The following PTPRD variants were observed in gnomAD, a reference collection of about 807,000 sequenced individuals.
PTPRD encodes the protein protein tyrosine phosphatase receptor type D.
A neutral mutation model predicts 214.5 loss-of-function variants in PTPRD; 34 were observed. That is an observed-to-expected ratio of 0.16 (90% CI 0.12 to 0.21). The LOEUF (loss-of-function observed/expected upper bound fraction) is 0.21. PTPRD is among the 10% of genes least tolerant of loss of function. The pLI is 1.00. For synonymous variants in PTPRD, 1,128 were observed against 845.7 expected (o/e 1.33, Z -5.79); for missense variants, 2,545 against 2,398.7 (o/e 1.06, Z -1.27).
chr9:10,004,199 T>A (rs1049522188), intron 4 of PTPRD, among the ~76,000 whole-genome samples: 11 of 151,798 alleles, frequency 7.2e-5, no homozygotes, highest in Non-Finnish European at 1.0e-4. Flanking sequence ...TTAAAAAAAA[T>A]TTAGGTTGTA....
At chr9:9,854,816 G>A (rs568117559) in intron 5 of PTPRD, among the ~76,000 whole-genome samples, 42 of 152,132 alleles carry the variant, frequency 2.8e-4, no homozygotes, top group Non-Finnish European at 5.3e-4. Flanking sequence ...GTTTCTGGGT[G>A]TAATTGTACC....
rs1226286340 is a variant in PTPRD at position 9,024,332 on chromosome 9, T to C, written c.-142-5597A>G. 5.7e-5 allele frequency among the ~76,000 whole-genome samples: 5 copies of C among 87,688 alleles called. 1 individual carries two copies. Among genetic ancestry groups the C allele is most frequent in the Admixed American group, 5.3e-4 (4 of 7,486 alleles). The allele number at this position is 87,688 out of a possible 152,430, so 57.5% of individuals were successfully genotyped here. A position where few individuals can be genotyped will look rare whatever the true frequency, so the allele number is the denominator to read the frequency against. ...GACCTGTCGAAAAGGCTATTGTCGA[T>C]TCTTTGTTTTTTTTTGTTTGTTTTT... On this transcript the variant is annotated intron_variant, in intron 10 of 45. Coordinates refer to ENST00000381196, the MANE Select transcript of PTPRD (RefSeq NM_002839.4).
At chr9:9,734,761 T>C (rs902317432) in intron 6 of PTPRD, among the ~76,000 whole-genome samples, 190 bp from the exon 7 acceptor site, 20 of 152,230 alleles carry the variant, frequency 1.3e-4, no homozygotes, top group African/African-American at 1.9e-4. Flanking sequence ...TTAACTTACA[T>C]TGTGCCATTA....
intron 5 of PTPRD, among the ~76,000 whole-genome samples, chr9:9,885,312 G>A (rs2070431627): frequency 1.3e-5 from 2 of 152,018 alleles, no homozygotes; most frequent in South Asian, 4.2e-4. Flanking sequence ...TAAGGCCAAC[G>A]TGAGATAAAT....
intron 11 of PTPRD, among the ~76,000 whole-genome samples, chr9:8,909,654 A>T (rs553052760): frequency 2.6e-5 from 4 of 152,242 alleles, no homozygotes; most frequent in Admixed American, 2.0e-4. Flanking sequence ...AATGATGAAA[A>T]CGGAATGCTT....
intron 2 of PTPRD, among the ~76,000 whole-genome samples, chr9:10,518,501 G>T (rs926397062): frequency 6.6e-6 from 1 of 152,012 alleles, no homozygotes; most frequent in African/African-American, 2.4e-5. Flanking sequence ...GTACAGCTTG[G>T]TCAAGGTTAA....
At chr9:9,286,627 T>C (rs1297307514) in intron 9 of PTPRD, among the ~76,000 whole-genome samples, 3 of 151,392 alleles carry the variant, frequency 2.0e-5, no homozygotes, top group African/African-American at 4.8e-5. Context: ...ATAGAACCTT[T>C]CCTGATGCCC....
At chr9:8,842,962 A>G (rs1231711595) in intron 11 of PTPRD, among the ~76,000 whole-genome samples, 5 of 152,096 alleles carry the variant, frequency 3.3e-5, no homozygotes, top group Non-Finnish European at 5.9e-5. Flanking sequence ...TGGACAGCCC[A>G]GTCTACACCT....
intron 33 of PTPRD, 84 bp from the exon 34 acceptor site, chr9:8,449,921 C>T (rs1327450788): frequency 1.5e-6 from 2 of 1,306,014 alleles, no homozygotes; most frequent in Admixed American, 1.9e-5. Flanking sequence ...CCTGCACTCC[C>T]CCCACCTCCC....
At chr9:9,693,561 G>C (rs1016610274) in intron 7 of PTPRD, among the ~76,000 whole-genome samples, 3 of 152,120 alleles carry the variant, frequency 2.0e-5, no homozygotes, top group East Asian at 1.9e-4. Context: ...CAAGATCTAA[G>C]AGGTAGTCTT....
chr9:8,943,260 G>T lies in PTPRD; in HGVS notation c.-104+75437C>A, dbSNP rs906992019. Among the ~76,000 whole-genome samples the T allele has an allele frequency of 7.2e-5, 11 of 152,048 alleles. No individual in the cohort carries two copies. The East Asian group carries it at 1.7e-3, about 24-fold the overall frequency. The stretch of plus-strand genomic sequence containing the variant: ...CAAAATACCAATTATATTCTTCATA[G>T]AAATAGAAAAATAATCCTAAAATTT... On this transcript the variant is annotated intron_variant, in intron 11 of 45. Coordinates refer to ENST00000381196, the MANE Select transcript of PTPRD (RefSeq NM_002839.4).
At chr9:9,488,348 G>A (rs188876764) in intron 8 of PTPRD, among the ~76,000 whole-genome samples, 167 of 152,164 alleles carry the variant, frequency 1.1e-3, no homozygotes, top group African/African-American at 3.4e-3. Context: ...TTTTCATCAA[G>A]AGGCCTAATT....
At chr9:9,242,101 T>C (rs1467387351) in intron 9 of PTPRD, among the ~76,000 whole-genome samples, 2 of 152,086 alleles carry the variant, frequency 1.3e-5, no homozygotes, top group African/African-American at 4.8e-5. Context: ...CCTTCACTTA[T>C]GAAGCTTAGT....
intron 3 of PTPRD, among the ~76,000 whole-genome samples, chr9:10,228,866 T>A (rs2099598290): frequency 6.6e-6 from 1 of 151,756 alleles, no homozygotes; most frequent in African/African-American, 2.4e-5. Context: ...ATTAAAATGC[T>A]GCTAGCTTTA....
At chr9:10,585,864 T>A (rs967832694) in intron 2 of PTPRD, among the ~76,000 whole-genome samples, 1 of 151,970 alleles carries the variant, frequency 6.6e-6, no homozygotes, top group African/African-American at 2.4e-5. Flanking sequence ...AATAACCTAT[T>A]TTACACATTT....
chr9:9,362,358 G>A (rs905437379), intron 9 of PTPRD, among the ~76,000 whole-genome samples: 3 of 150,940 alleles, frequency 2.0e-5, no homozygotes, highest in Non-Finnish European at 4.5e-5. Context: ...ACATACGTAA[G>A]GTTTTGCCTC....
At chr9:10,290,490 T>G (rs1320442668) in intron 3 of PTPRD, among the ~76,000 whole-genome samples, 1 of 152,182 alleles carries the variant, frequency 6.6e-6, no homozygotes, top group Non-Finnish European at 1.5e-5. Context: ...CAGTGCAGCT[T>G]AATTCTGGAA....
chr9:9,786,487 T>C (rs989964267), intron 5 of PTPRD, among the ~76,000 whole-genome samples: 1 of 152,172 alleles, frequency 6.6e-6, no homozygotes, highest in Non-Finnish European at 1.5e-5. Flanking sequence ...TTTTGTACCA[T>C]AAATGCTAAT....
chr9:9,928,381 A>G (rs916084017), intron 5 of PTPRD, among the ~76,000 whole-genome samples: 3 of 152,196 alleles, frequency 2.0e-5, no homozygotes, highest in African/African-American at 7.2e-5. Context: ...GTTTTTGTCC[A>G]GAACTGAATT....
Sources: allele counts gnomAD v4.1 joint callset (sites outside exome capture counted in the v4.1 genomes callset), GRCh38; gene constraint gnomAD v4.1.1; transcripts MANE v1.5; gene names NCBI Gene and HGNC (gene_info 2026-07-23, HGNC 2026-07-21).